FOXP1: variants seen among roughly 807,000 people sequenced by gnomAD.
FOXP1 encodes forkhead box protein P1.
FOXP1 carries 15 observed loss-of-function variants against 98.2 expected under a neutral mutation model. That is an observed-to-expected ratio of 0.15 (90% CI 0.10 to 0.24). The LOEUF (loss-of-function observed/expected upper bound fraction) is 0.24, where lower values mean the gene tolerates loss of function less well. Ranked by LOEUF, FOXP1 falls within the 10% of genes least tolerant of loss-of-function variation. The pLI is 1.00. For synonymous variants in FOXP1, 371 were observed against 314.5 expected, an observed-to-expected ratio of 1.18 and a Z score of -1.90; for missense variants, 633 against 848.5, an observed-to-expected ratio of 0.75 and a Z score of 3.15.
At chr3:71,547,838 T>TG (rs1212150686) in intron 2 of FOXP1, among the ~76,000 whole-genome samples, 1 of 152,254 alleles carries the variant, frequency 6.6e-6, no homozygotes, top group Non-Finnish European at 1.5e-5. Flanking sequence ...CCCATATTTA[T>TG]GAGGCCTTTT....
At chr3:70,986,736 T>C (rs9827939) in intron 14 of FOXP1, among the ~76,000 whole-genome samples, 64,930 of 152,016 alleles carry the variant, frequency 0.43, 19,690 homozygotes, top group East Asian at 0.86. Flanking sequence ...TCTAGTCCTA[T>C]AGCCATTTAC....
chr3:71,583,403 G>C (rs1389903576), intron 1 of FOXP1, 168 bp downstream of exon 1: 20 of 928,900 alleles, frequency 2.2e-5, no homozygotes, highest in Middle Eastern at 5.5e-4. Context: ...GATGCACGTG[G>C]AGCCTGGAGG....
chr3:71,151,290 C>T (rs1052913788), intron 6 of FOXP1, among the ~76,000 whole-genome samples: 2 of 152,126 alleles, frequency 1.3e-5, no homozygotes, highest in Admixed American at 6.5e-5. Context: ...TGCGAAGACC[C>T]GGACTCTCAC....
At chr3:71,357,854 A>G (rs1196565011) in intron 4 of FOXP1, among the ~76,000 whole-genome samples, 1 of 152,234 alleles carries the variant, frequency 6.6e-6, no homozygotes, top group Non-Finnish European at 1.5e-5. Flanking sequence ...ATACTTAAAT[A>G]ATTTTTTATA....
At chr3:70,974,809 T>C (rs1454318669) in intron 17 of FOXP1, among the ~76,000 whole-genome samples, 2 of 152,212 alleles carry the variant, frequency 1.3e-5, no homozygotes, top group East Asian at 3.9e-4. Flanking sequence ...TATCAAAATG[T>C]ACAGAAATGA....
At chr3:71,032,221 C>G (rs1381466949) in intron 11 of FOXP1, among the ~76,000 whole-genome samples, 2 of 152,258 alleles carry the variant, frequency 1.3e-5, no homozygotes, top group African/African-American at 4.8e-5. Flanking sequence ...CTCTTGGCGA[C>G]ATGTGCCCGG....
chr3:71,582,672 C>A, intron 1 of FOXP1: 1 of 985,404 alleles, frequency 1.0e-6, no homozygotes, highest in Non-Finnish European at 1.2e-6. Flanking sequence ...GGCGACTCCT[C>A]GCAGCGCATC....
chr3:71,013,798 A>C (rs550790617), intron 12 of FOXP1, among the ~76,000 whole-genome samples: 1 of 152,350 alleles, frequency 6.6e-6, no homozygotes, highest in East Asian at 1.9e-4. Context: ...GTACTACAAC[A>C]GGGATATAGA....
chr3:71,447,535 C>T (rs1307571811), intron 3 of FOXP1, among the ~76,000 whole-genome samples: 1 of 152,194 alleles, frequency 6.6e-6, no homozygotes, highest in Non-Finnish European at 1.5e-5. Context: ...GTACTTTTCC[C>T]TTCTGGACAG....
At chr3:71,278,853 A>C (rs1411334846) in intron 5 of FOXP1, among the ~76,000 whole-genome samples, 1 of 151,970 alleles carries the variant, frequency 6.6e-6, no homozygotes, top group South Asian at 2.1e-4. Context: ...GCCTTCATGA[A>C]TCTCTTAGAG....
chr3:71,529,483 T>G (rs747793968), intron 2 of FOXP1, among the ~76,000 whole-genome samples: 1 of 152,216 alleles, frequency 6.6e-6, no homozygotes, highest in South Asian at 2.1e-4. Flanking sequence ...GGCTGGGCAC[T>G]GCAGCAAGGC....
chr3:71,112,657 A>C lies in FOXP1; in HGVS notation c.181-20T>G. On this transcript the variant is annotated intron_variant, in intron 6 of 20. Coordinates refer to ENST00000649528, the MANE Select transcript of FOXP1 (RefSeq NM_001349338.3). ...AAGTGCCTGGAAGGAAAAACAAGAA[A>C]ATCCTTTGCGTTACTACACAGGTTC... 6.3e-7 allele frequency: 1 copy of C among 1,592,012 alleles called. No homozygotes were observed.
At chr3:71,093,050 C>G (rs1332184768) in intron 7 of FOXP1, among the ~76,000 whole-genome samples, 5 of 152,082 alleles carry the variant, frequency 3.3e-5, no homozygotes, top group African/African-American at 7.2e-5. Flanking sequence ...CACCTGAGGT[C>G]AGGAGTTTGA....
intron 11 of FOXP1, among the ~76,000 whole-genome samples, chr3:71,018,569 A>C (rs1484886724): frequency 6.6e-6 from 1 of 152,208 alleles, no homozygotes; most frequent in Non-Finnish European, 1.5e-5. Flanking sequence ...ACATGGAAAC[A>C]TCCTGTACAC....
At chr3:71,435,249 AGAGAGGGAGGGAG>A (rs2085153378) in intron 3 of FOXP1, among the ~76,000 whole-genome samples, 1 of 8,588 alleles carries the variant, frequency 1.2e-4, no homozygotes, top group African/African-American at 4.3e-4. Flanking sequence ...GGAGGAAGGA[AGAGAGGGAGGGAG>A]GGAGGGAGGG....
At position 70,959,319 on chromosome 3, in the gene FOXP1, T is replaced by C. The variant is rs2032623027; in HGVS notation, c.1962A>G (p.Thr654=). 1 of 1,614,124 alleles carries C rather than the reference T, an allele frequency of 6.2e-7. No homozygotes were observed. The highest frequency in any genetic ancestry group is 1.1e-5 in the South Asian group (1 of 91,076). ...EAEGPLSLVT[T]ANHSPDFDHD... is the part of the protein sequence containing the mutation. ...GGTCAAAATCTGGACTGTGGTTGGC[T>C]GTTGTCACTAAGGACAGGGGCCCTT... The change falls in exon 21 of 21, where the codon ACA becomes ACG. Residue 654 remains threonine (T), a synonymous_variant. Transcript: ENST00000649528.
At chr3:70,967,694 T>G (rs1253255122) in intron 19 of FOXP1, among the ~76,000 whole-genome samples, 36 of 109,712 alleles carry the variant, frequency 3.3e-4, no homozygotes, top group South Asian at 1.1e-3. Context: ...TTTGTTTTTT[T>G]TTTTTGTTTT....
At chr3:71,576,125 C>G (rs1219085974) in intron 2 of FOXP1, among the ~76,000 whole-genome samples, 1 of 152,164 alleles carries the variant, frequency 6.6e-6, no homozygotes, top group Non-Finnish European at 1.5e-5. Flanking sequence ...GTAAATTGTC[C>G]TATAACATGC....
intron 11 of FOXP1, among the ~76,000 whole-genome samples, chr3:71,024,768 T>C (rs575012154): frequency 3.3e-5 from 5 of 152,380 alleles, no homozygotes; most frequent in African/African-American, 9.6e-5. Context: ...ATTGTTATTA[T>C]CTGCTCTCAA....
Sources: gnomAD v4.1 joint callset for allele counts (sites outside exome capture counted in the v4.1 genomes callset) on GRCh38, gnomAD v4.1.1 for gene constraint, MANE v1.5 for transcripts, NCBI Gene and HGNC (gene_info 2026-07-23, HGNC 2026-07-21) for gene names.